HS3ST2: variants seen among roughly 807,000 people sequenced by gnomAD.
HS3ST2 encodes the protein heparan sulfate-glucosamine 3-sulfotransferase 2.
A neutral mutation model predicts 26.3 loss-of-function variants in HS3ST2; 17 were observed. The ratio of observed to expected loss-of-function variants is 0.65; its 90% CI spans 0.44 to 0.97. The LOEUF (loss-of-function observed/expected upper bound fraction) is 0.97, where lower values mean the gene tolerates loss of function less well. Among genes scored for constraint, HS3ST2 ranks in the 50% least tolerant of loss-of-function variants. HS3ST2 has a pLI of 0.00. For synonymous variants in HS3ST2, 237 were observed against 219.2 expected, an observed-to-expected ratio of 1.08 and a Z score of -0.72; for missense variants, 402 against 501.2, an observed-to-expected ratio of 0.80 and a Z score of 1.89.
At chr16:22,822,574 C>G (rs1421890785) in intron 1 of HS3ST2, among the ~76,000 whole-genome samples, 1 of 152,094 alleles carries the variant, frequency 6.6e-6, no homozygotes, top group Non-Finnish European at 1.5e-5. Flanking sequence ...AGATATTCAG[C>G]TGGGTGCAGT....
chr16:22,876,740 C>G (rs1567494400), intron 1 of HS3ST2, among the ~76,000 whole-genome samples: 1 of 152,126 alleles, frequency 6.6e-6, no homozygotes, highest in Non-Finnish European at 1.5e-5. Context: ...AAATGCCCAT[C>G]AATCAATGAG....
Position 22,822,764 on chromosome 16 carries a change from A to G in HS3ST2, c.485+7669A>G, listed in dbSNP as rs927178109. 2.6e-5 allele frequency among the ~76,000 whole-genome samples: 4 copies of G among 152,028 alleles called. No individual in the cohort carries two copies. The East Asian group carries it at 7.7e-4, about 29-fold the overall frequency. On this transcript the variant is annotated intron_variant, in intron 1 of 1. Transcript: ENST00000261374. Reference sequence around the variant, plus strand: ...CAGCTACTTGGGAGGCTGAGGAAGGAGAGTTGCTTGAACCTGGGAGGCAGG... The same window carrying G: ...CAGCTACTTGGGAGGCTGAGGAAGGGGAGTTGCTTGAACCTGGGAGGCAGG...
intron 1 of HS3ST2, among the ~76,000 whole-genome samples, chr16:22,832,151 C>CTTTTTTTTTTTTTTTTTTT (rs71151684): frequency 3.5e-5 from 4 of 115,468 alleles, no homozygotes; most frequent in East Asian, 2.6e-4. Flanking sequence ...CCCAGCTGAT[C>CTTTTTTTTTTTTTTTTTTT]TTTTTTTTTT....
intron 1 of HS3ST2, among the ~76,000 whole-genome samples, chr16:22,881,524 G>T (rs1386999480): frequency 6.6e-6 from 1 of 152,168 alleles, no homozygotes; most frequent in East Asian, 1.9e-4. Context: ...AGCCATATTG[G>T]AATGGAAAGA....
chr16:22,815,183 T>G, intron 1 of HS3ST2, 88 bp downstream of exon 1: 1 of 1,522,574 alleles, frequency 6.6e-7, no homozygotes, highest in Non-Finnish European at 8.9e-7. Flanking sequence ...TCTCTTTCTT[T>G]TAACCCAACT....
At chr16:22,840,715 A>G (rs553445460) in intron 1 of HS3ST2, among the ~76,000 whole-genome samples, 3 of 152,242 alleles carry the variant, frequency 2.0e-5, no homozygotes, top group South Asian at 4.1e-4. Flanking sequence ...GAATGGGGGA[A>G]TTATCATTTT....
intron 1 of HS3ST2, among the ~76,000 whole-genome samples, chr16:22,906,840 C>A (rs921209567): frequency 6.6e-6 from 1 of 152,216 alleles, no homozygotes; most frequent in African/African-American, 2.4e-5. Flanking sequence ...CTACCTCTGA[C>A]ACTGGATCTT....
At chr16:22,827,917 C>A (rs751925516) in intron 1 of HS3ST2, among the ~76,000 whole-genome samples, 1 of 151,592 alleles carries the variant, frequency 6.6e-6, no homozygotes, top group African/African-American at 2.4e-5. Context: ...ACCATGTTGC[C>A]CAGTCTTGTC....
intron 1 of HS3ST2, among the ~76,000 whole-genome samples, chr16:22,822,954 C>A (rs1901022398): frequency 6.6e-6 from 1 of 152,144 alleles, no homozygotes; most frequent in Non-Finnish European, 1.5e-5. Context: ...TTCCTTTCTA[C>A]CTCGTCTTTC....
chr16:22,842,074 T>C (rs1382403199), intron 1 of HS3ST2, among the ~76,000 whole-genome samples: 1 of 148,058 alleles, frequency 6.8e-6, no homozygotes, highest in Admixed American at 6.7e-5. Flanking sequence ...TTTTTTTTTT[T>C]TTTTTTTGAG....
intron 1 of HS3ST2, among the ~76,000 whole-genome samples, chr16:22,820,745 A>G (rs1900979910): frequency 6.6e-6 from 1 of 152,260 alleles, no homozygotes; most frequent in Admixed American, 6.5e-5. Flanking sequence ...GCCAAACCCT[A>G]TCACTTGTTA....
At chr16:22,848,707 T>G (rs1031141981) in intron 1 of HS3ST2, among the ~76,000 whole-genome samples, 1 of 152,208 alleles carries the variant, frequency 6.6e-6, no homozygotes, top group African/African-American at 2.4e-5. Flanking sequence ...GCTGGTCTCT[T>G]GGAAAAGTGC....
chr16:22,852,996 A>G (rs1296078032), intron 1 of HS3ST2, among the ~76,000 whole-genome samples: 1 of 152,184 alleles, frequency 6.6e-6, no homozygotes, highest in Non-Finnish European at 1.5e-5. Context: ...ATGCCATCCC[A>G]TTTTATATCA....
intron 1 of HS3ST2, among the ~76,000 whole-genome samples, chr16:22,875,982 T>C (rs2141194943): frequency 6.6e-6 from 1 of 152,332 alleles, no homozygotes; most frequent in Admixed American, 6.5e-5. Context: ...TATGGGTGTG[T>C]AGTAGGCTCT....
intron 1 of HS3ST2, among the ~76,000 whole-genome samples, chr16:22,859,520 C>G (rs972660927): frequency 6.6e-6 from 1 of 152,170 alleles, no homozygotes; most frequent in African/African-American, 2.4e-5. Flanking sequence ...CTGTCAGATT[C>G]CTTACATCTT....
At chr16:22,849,088 CG>C (rs1567487296) in intron 1 of HS3ST2, among the ~76,000 whole-genome samples, 1 of 152,046 alleles carries the variant, frequency 6.6e-6, no homozygotes, top group Non-Finnish European at 1.5e-5. Context: ...ATCTAAGAAA[CG>C]GGAATGATCT....
chr16:22,856,682 A>G (rs2141187690), intron 1 of HS3ST2, among the ~76,000 whole-genome samples: 1 of 152,214 alleles, frequency 6.6e-6, no homozygotes, highest in East Asian at 1.9e-4. Context: ...GAGGAGCAGG[A>G]GAGGCTGTGT....
At chr16:22,838,616 C>T (rs1901308317) in intron 1 of HS3ST2, among the ~76,000 whole-genome samples, 1 of 152,148 alleles carries the variant, frequency 6.6e-6, no homozygotes, top group African/African-American at 2.4e-5. Flanking sequence ...TGCTGAAACT[C>T]AACTGCGGAA....
At chr16:22,903,744 C>T (rs1241772635) in intron 1 of HS3ST2, among the ~76,000 whole-genome samples, 1 of 152,154 alleles carries the variant, frequency 6.6e-6, no homozygotes, top group African/African-American at 2.4e-5. Context: ...CTCCACTTGT[C>T]ACACAGCAGG....
Sources: allele counts gnomAD v4.1 joint callset (sites outside exome capture counted in the v4.1 genomes callset), GRCh38; gene constraint gnomAD v4.1.1; transcripts MANE v1.5; gene names NCBI Gene and HGNC (gene_info 2026-07-23, HGNC 2026-07-21).